Variants in FAM13B observed in about 807,000 individuals in gnomAD.
The protein encoded by FAM13B is family with sequence similarity 13 member B.
In FAM13B, 60 loss-of-function variants were observed where a neutral mutation model predicts 117.3. The observed-to-expected ratio is 0.51, with a 90% CI of 0.42 to 0.63. The LOEUF is 0.63. FAM13B is among the 30% of genes least tolerant of loss of function. FAM13B has a pLI of 0.00. For missense variants in FAM13B, 972 were observed against 1,091.9 expected (o/e 0.89, Z 1.55); for synonymous variants, 332 against 356.1 (o/e 0.93, Z 0.76).
At chr5:138,037,320 T>C (rs1791258699), upstream of FAM13B, 1 of 152,758 alleles carries the variant, frequency 6.5e-6, no homozygotes, top group South Asian at 2.1e-4. Context: ...ACAAGCATTC[T>C]ATCCCAGCTT....
At chr5:138,018,616 G>C in intron 3 of FAM13B, 102 bp from the exon 4 acceptor site, 2 of 1,051,766 alleles carry the variant, frequency 1.9e-6, no homozygotes, top group South Asian at 3.0e-5. Context: ...CTTTTGGAAA[G>C]CCTTTCTTGG....
chr5:138,026,742 C>T lies in FAM13B; in HGVS notation c.-202-5545G>A, dbSNP rs189657726. On this transcript the variant is annotated intron_variant, in intron 1 of 23. Coordinates refer to ENST00000689681, the MANE Select transcript of FAM13B (RefSeq NM_001385994.1). Reference sequence around the variant, plus strand: ...ATCACCCAAGATCAGGAGTTCAAGACCAGCCTGGCCAACATGGTAAAACCC... The same window carrying T: ...ATCACCCAAGATCAGGAGTTCAAGATCAGCCTGGCCAACATGGTAAAACCC... 1.2e-3 allele frequency among the ~76,000 whole-genome samples: 187 copies of T among 149,816 alleles called. 4 individuals carry two copies. Among genetic ancestry groups the T allele is most frequent in the Middle Eastern group, 0.011 (3 of 276 alleles).
intron 1 of FAM13B, among the ~76,000 whole-genome samples, chr5:138,025,561 T>C (rs1482470324): frequency 6.6e-6 from 1 of 152,032 alleles, no homozygotes; most frequent in Non-Finnish European, 1.5e-5. Flanking sequence ...TCAACCTAAG[T>C]TCTACAGGGA....
In FAM13B at chr5:137,942,902, C is replaced by T. The variant is rs142996518; in HGVS notation, c.2561G>A (p.Arg854Gln). Residue 854 changes from arginine (R) to glutamine (Q), a missense_variant, in exon 22 of 24, where the codon CGA (arginine) becomes CAA (glutamine). Coordinates refer to ENST00000689681, the MANE Select transcript of FAM13B (RefSeq NM_001385994.1). ...AGAAGCTGCTCGAGAACTTGACAAT[C>T]GGAGATCCAGAGCCAGTTTTTCTTG... The part of the protein sequence containing the change: ...ENQEKLALDL[R>Q]LSSSRAASMP... 71 of 1,610,826 alleles carry T rather than the reference C, an allele frequency of 4.4e-5. No individual in the cohort carries two copies. In the African/African-American group the frequency reaches 9.0e-4, roughly 20 times the overall value.
chr5:137,995,968 A>G (rs1779757994), intron 7 of FAM13B, among the ~76,000 whole-genome samples: 1 of 152,198 alleles, frequency 6.6e-6, no homozygotes, highest in Non-Finnish European at 1.5e-5. Flanking sequence ...TGGAACCTGG[A>G]TATTGAAAAT....
chr5:137,955,526 A>T (rs185053170), intron 14 of FAM13B, among the ~76,000 whole-genome samples: 10 of 152,318 alleles, frequency 6.6e-5, no homozygotes, highest in Admixed American at 5.2e-4. Flanking sequence ...TTGATTACAT[A>T]TAGAACACAT....
intron 19 of FAM13B, 56 bp from the exon 20 acceptor site, chr5:137,946,053 A>C: frequency 6.9e-7 from 1 of 1,440,930 alleles, no homozygotes; most frequent in Non-Finnish European, 9.6e-7. Flanking sequence ...AATGTCCAAA[A>C]CATTAAACAA....
intron 14 of FAM13B, among the ~76,000 whole-genome samples, chr5:137,954,810 C>T (rs1186740311): frequency 1.3e-5 from 2 of 151,794 alleles, no homozygotes; most frequent in Admixed American, 6.6e-5. Context: ...TTGGTAGAGA[C>T]GAGGTCTCAC....
At chr5:137,977,835 T>C (rs1774459365) in intron 10 of FAM13B, among the ~76,000 whole-genome samples, 2 of 152,230 alleles carry the variant, frequency 1.3e-5, no homozygotes. Flanking sequence ...CTAAATCCAA[T>C]AAATTTTCTT....
intron 1 of FAM13B, among the ~76,000 whole-genome samples, chr5:138,047,039 C>G (rs539658732): frequency 6.6e-6 from 1 of 152,130 alleles, no homozygotes; most frequent in African/African-American, 2.4e-5. Context: ...CCACCGTGCC[C>G]AGCCACTTCT....
chr5:137,972,859 T>C (rs1037849443), intron 10 of FAM13B, among the ~76,000 whole-genome samples: 2 of 152,026 alleles, frequency 1.3e-5, no homozygotes, highest in African/African-American at 2.4e-5. Context: ...CCATTCACAA[T>C]TGCTTCAAAG....
At chr5:137,944,788 G>A (rs971322056) in intron 20 of FAM13B, among the ~76,000 whole-genome samples, 7 of 150,810 alleles carry the variant, frequency 4.6e-5, no homozygotes, top group Non-Finnish European at 1.0e-4. Flanking sequence ...ACAAAATCAT[G>A]TCCTTTGGGA....
intron 10 of FAM13B, among the ~76,000 whole-genome samples, chr5:137,972,110 T>G (rs879772411): frequency 0.13 from 18,549 of 147,846 alleles, 1,367 homozygotes; most frequent in Non-Finnish European, 0.18. Context: ...TAACTCATTT[T>G]ATGAGGCCAG....
At chr5:138,043,072 A>G (rs1360270799) in intron 1 of FAM13B, among the ~76,000 whole-genome samples, 1 of 152,186 alleles carries the variant, frequency 6.6e-6, no homozygotes, top group Non-Finnish European at 1.5e-5. Context: ...AGCCTGGGCA[A>G]CAGAGCCAGA....
intron 7 of FAM13B, among the ~76,000 whole-genome samples, chr5:138,002,737 C>A (rs13169262): frequency 0.74 from 104,920 of 141,734 alleles, 39,391 homozygotes; most frequent in East Asian, 0.97. Flanking sequence ...GACATCTCGG[C>A]TCACTGCAAG....
Position 137,942,317 on chromosome 5 carries a change from C to T in FAM13B, c.2589-272G>A, listed in dbSNP as rs184027619. 353 of 409,678 alleles carry T rather than the reference C, an allele frequency of 8.6e-4. 1 individual carries two copies. The highest frequency in any genetic ancestry group is 8.6e-4 in the South Asian group (18 of 20,812). 25.4% of individuals were successfully genotyped at this position (409,678 alleles called of 1,614,324 possible). A position where few individuals can be genotyped will look rare whatever the true frequency, so the allele number is the denominator to read the frequency against. On this transcript the variant is annotated intron_variant, in intron 22 of 23. Transcript: ENST00000689681. ...TGGATATAGAACAAAAAGATCAACT[C>T]GCAACTAGTTCCTGTACTTTGTTAT...
chr5:137,956,388 T>C, intron 14 of FAM13B, 89 bp downstream of exon 14: 3 of 824,384 alleles, frequency 3.6e-6, no homozygotes, highest in Non-Finnish European at 5.5e-6. Flanking sequence ...TCCTAAGATA[T>C]GGGGACAGCA....
chr5:138,026,983 A>T (rs928039739), intron 1 of FAM13B, among the ~76,000 whole-genome samples: 4 of 131,986 alleles, frequency 3.0e-5, no homozygotes, highest in South Asian at 2.3e-4. Flanking sequence ...ATAAATAAAT[A>T]AATTAGCGAA....
At chr5:138,014,269 A>G (rs1784754099) in intron 4 of FAM13B, among the ~76,000 whole-genome samples, 1 of 152,138 alleles carries the variant, frequency 6.6e-6, no homozygotes, top group South Asian at 2.1e-4. Context: ...AGTTTTTTTC[A>G]GTGCTGAGTT....
Sources: gnomAD v4.1 joint callset for allele counts (sites outside exome capture counted in the v4.1 genomes callset) on GRCh38, gnomAD v4.1.1 for gene constraint, MANE v1.5 for transcripts, NCBI Gene and HGNC (gene_info 2026-07-23, HGNC 2026-07-21) for gene names.